The following TNRC6A variants were observed in gnomAD, a reference collection of about 807,000 sequenced individuals.
TNRC6A encodes the protein trinucleotide repeat-containing gene 6A protein.
A neutral mutation model predicts 221.2 loss-of-function variants in TNRC6A; 44 were observed. The ratio of observed to expected loss-of-function variants is 0.20; its 90% confidence interval spans 0.16 to 0.26. TNRC6A has a LOEUF of 0.26. Ranked by LOEUF, TNRC6A falls within the 10% of genes least tolerant of loss-of-function variation. The probability of loss-of-function intolerance (pLI) is 1.00; values close to 1 mark genes in which losing one functional copy is unlikely to be tolerated. For synonymous variants in TNRC6A, 847 were observed against 838.5 expected (o/e 1.01, Z -0.18); for missense variants, 2,199 against 2,404.4 (o/e 0.91, Z 1.79).
chr16:24,647,157 C>T (rs1383978542), intron 2 of TNRC6A, among the ~76,000 whole-genome samples: 1 of 152,122 alleles, frequency 6.6e-6, no homozygotes, highest in African/African-American at 2.4e-5. Context: ...ATCTCACACT[C>T]CGGTGCTCAA....
chr16:24,664,810 C>A (rs1006126613), intron 2 of TNRC6A: 25 of 445,206 alleles, frequency 5.6e-5, no homozygotes, highest in African/African-American at 5.1e-4. Context: ...CACACACACA[C>A]ACAAAACCTA....
At chr16:24,696,594 G>A (rs1024759539) in intron 2 of TNRC6A, among the ~76,000 whole-genome samples, 1 of 151,138 alleles carries the variant, frequency 6.6e-6, no homozygotes, top group Non-Finnish European at 1.5e-5. Flanking sequence ...AGCCACGCGT[G>A]GTGGCTCGCC....
chr16:24,715,705 C>A (rs1450359566), intron 2 of TNRC6A, among the ~76,000 whole-genome samples: 1 of 151,406 alleles, frequency 6.6e-6, no homozygotes, highest in Non-Finnish European at 1.5e-5. Flanking sequence ...GCAACCTCCG[C>A]CTCCCAGATT....
Position 24,631,687 on chromosome 16 carries a change from AC to A in TNRC6A, n.277-9196del, listed in dbSNP as rs543895760. ...CTTGGGAGGCTGAGGCATAAGAATC[AC>A]TTGAACCCAGGAGGTGGAGGTTGCA... On this transcript the variant is annotated intron_variant and non_coding_transcript_variant, in intron 1 of 2. Coordinates refer to the TNRC6A transcript ENST00000566108. Among the ~76,000 whole-genome samples the A allele has an allele frequency of 4.6e-5, 7 of 151,928 alleles. No homozygotes were observed. In the South Asian group the frequency reaches 1.5e-3, roughly 32 times the overall value.
At chr16:24,788,576 A>T (rs192918850) in intron 5 of TNRC6A, among the ~76,000 whole-genome samples, 1 of 152,040 alleles carries the variant, frequency 6.6e-6, no homozygotes, top group Non-Finnish European at 1.5e-5. Flanking sequence ...TTTCCATGTC[A>T]GGCTTCTATG....
intron 1 of TNRC6A, among the ~76,000 whole-genome samples, chr16:24,626,816 A>T (rs1901030619): frequency 1.3e-5 from 2 of 151,274 alleles, no homozygotes; most frequent in African/African-American, 4.9e-5. Flanking sequence ...CGCCCGGCTA[A>T]TTTTTTTGTA....
chr16:24,681,749 C>T (rs1265418711), intron 2 of TNRC6A, among the ~76,000 whole-genome samples: 8 of 152,134 alleles, frequency 5.3e-5, no homozygotes, highest in Non-Finnish European at 8.8e-5. Flanking sequence ...GCTTAATAGG[C>T]ACCCAACAAA....
chr16:24,701,424 G>A (rs1406798190), intron 2 of TNRC6A, among the ~76,000 whole-genome samples: 3 of 150,296 alleles, frequency 2.0e-5, no homozygotes, highest in Non-Finnish European at 3.0e-5. Context: ...GGAGTGCAAT[G>A]GCCATGATCT....
intron 14 of TNRC6A, 39 bp downstream of exon 14, chr16:24,805,190 A>G (rs747134050): frequency 1.7e-5 from 27 of 1,606,744 alleles, no homozygotes; most frequent in Non-Finnish European, 2.1e-5. Context: ...TTTACCTGCA[A>G]AAAGGATCTT....
intron 2 of TNRC6A, among the ~76,000 whole-genome samples, chr16:24,709,831 A>G (rs1196300341): frequency 6.6e-6 from 1 of 151,870 alleles, no homozygotes; most frequent in Non-Finnish European, 1.5e-5. Flanking sequence ...TCTCAAAAAA[A>G]AAAAAAAAAA....
At chr16:24,778,856 G>A (rs1039303369) in intron 5 of TNRC6A, among the ~76,000 whole-genome samples, 3 of 152,062 alleles carry the variant, frequency 2.0e-5, no homozygotes, top group Admixed American at 1.3e-4. Context: ...CAAATGTACT[G>A]GTCATCAGCA....
intron 1 of TNRC6A, among the ~76,000 whole-genome samples, chr16:24,626,384 A>G (rs1900990868): frequency 1.3e-5 from 2 of 152,168 alleles, no homozygotes; most frequent in African/African-American, 4.8e-5. Context: ...AAATATTGCC[A>G]GCACCCCAGA....
chr16:24,791,724 A>G lies in TNRC6A; in HGVS notation c.3082A>G (p.Asn1028Asp), dbSNP rs201134729. The G allele has an allele frequency of 2.4e-4, 393 of 1,613,574 alleles. 1 individual carries two copies. The highest frequency in any genetic ancestry group is 5.7e-4 in the Admixed American group (34 of 59,924). The change falls in exon 6 of 25, where the codon AAT (asparagine) becomes GAT (aspartate). Residue 1028 changes from asparagine to aspartate, a missense_variant. By Grantham distance (23) the Asn-to-Asp change is conservative. Transcript: ENST00000395799. ...NVNMWNKNVP[N>D]GNSRSDQQAQ... Reference sequence around the variant, plus strand: ...GAACATGTGGAACAAAAACGTCCCAAATGGCAACAGCCGTTCAGACCAGCA... The same window carrying G: ...GAACATGTGGAACAAAAACGTCCCAGATGGCAACAGCCGTTCAGACCAGCA...
rs534445771 is a variant in TNRC6A at position 24,648,428 on chromosome 16, G to A, written n.402+7419G>A. 2.2e-3 allele frequency among the ~76,000 whole-genome samples: 341 copies of A among 151,918 alleles called. 3 individuals carry two copies. The highest frequency in any genetic ancestry group is 7.6e-3 in the African/African-American group (314 of 41,426). On this transcript the variant is annotated intron_variant and non_coding_transcript_variant, in intron 2 of 2. Transcript: ENST00000566108. ...TAGGACTACAGGTGCCCACCACCAC[G>A]CCTGGCTAATTTTTTGTATTTTTAG...
Position 24,775,184 on chromosome 16 carries a change from A to T in TNRC6A, c.164-1749A>T, listed in dbSNP as rs144252029. 6.2e-3 allele frequency among the ~76,000 whole-genome samples: 944 copies of T among 152,286 alleles called. 3 individuals are homozygous for T. The highest frequency in any genetic ancestry group is 9.3e-3 in the Non-Finnish European group (632 of 68,024). On this transcript the variant is annotated intron_variant, in intron 4 of 24. Coordinates refer to ENST00000395799, the MANE Select transcript of TNRC6A (RefSeq NM_014494.4). ...ACGAAGGAATATACGTTATTGTTAC[A>T]TATTAGAAGCATTATATTGTCTGGG... is the stretch of plus-strand genomic sequence containing the variant.
At chr16:24,677,460 G>T (rs1376944809) in intron 2 of TNRC6A, among the ~76,000 whole-genome samples, 1 of 152,080 alleles carries the variant, frequency 6.6e-6, no homozygotes. Flanking sequence ...ACAGTGCCCG[G>T]CCCCATGTTC....
Position 24,776,965 on chromosome 16 carries a change from C to A in TNRC6A, c.196C>A (p.Pro66Thr). ...PEQIKPSVSQ[P>T]QPANSNNGTS... ...ACAGATAAAGCCCAGTGTAAGCCAGCCTCAGCCTGCCAACTCTAATAACGG... is the reference window on the plus strand; with the variant it reads ...ACAGATAAAGCCCAGTGTAAGCCAGACTCAGCCTGCCAACTCTAATAACGG... Residue 66 changes from proline to threonine, a missense_variant, in exon 5 of 25, where the codon CCT becomes ACT. Pro to Thr is a conservative substitution (Grantham distance 38). Around this residue, in one of 8 missense-constraint regions of TNRC6A, gnomAD observed 1,405 missense variants for 1,400.2 expected, o/e 1.00. Coordinates refer to ENST00000395799, the MANE Select transcript of TNRC6A (RefSeq NM_014494.4). The A allele has an allele frequency of 6.2e-7, 1 of 1,614,050 alleles. No homozygotes were observed. The highest frequency in any genetic ancestry group is 8.5e-7 in the Non-Finnish European group (1 of 1,180,000).
At chr16:24,802,036 G>A (rs1024896208) in intron 11 of TNRC6A, among the ~76,000 whole-genome samples, 1 of 152,098 alleles carries the variant, frequency 6.6e-6, no homozygotes, top group African/African-American at 2.4e-5. Context: ...TGTGAAAGGT[G>A]GATTTTTTAA....
At chr16:24,689,249 C>G (rs1404707358) in intron 2 of TNRC6A, among the ~76,000 whole-genome samples, 1 of 152,220 alleles carries the variant, frequency 6.6e-6, no homozygotes, top group Non-Finnish European at 1.5e-5. Flanking sequence ...TAGACACAAA[C>G]AAACAAGCAA....
Sources: gnomAD v4.1 joint callset for allele counts (sites outside exome capture counted in the v4.1 genomes callset) on GRCh38, gnomAD v4.1.1 for gene constraint, gnomAD v4.1.1 regional missense constraint, MANE v1.5 for transcripts, NCBI Gene and HGNC (gene_info 2026-07-23, HGNC 2026-07-21) for gene names.